PHF19: variants seen among roughly 807,000 people sequenced by gnomAD.
The protein encoded by PHF19 is PHD finger protein 19.
PHF19 carries 21 observed loss-of-function variants against 79.8 expected under a neutral mutation model. That is an observed-to-expected ratio of 0.26 (90% CI 0.19 to 0.38). The LOEUF (loss-of-function observed/expected upper bound fraction) is 0.38. Ranked by LOEUF, PHF19 falls within the 10% of genes least tolerant of loss-of-function variation. The pLI is 1.00. For synonymous variants in PHF19, 273 were observed against 296.3 expected, an observed-to-expected ratio of 0.92 and a Z score of 0.81; for missense variants, 445 against 744.2, an observed-to-expected ratio of 0.60 and a Z score of 4.68.
intron 1 of PHF19, among the ~76,000 whole-genome samples, chr9:120,888,100 G>A (rs954227630): frequency 1.3e-5 from 2 of 152,190 alleles, no homozygotes; most frequent in Admixed American, 1.3e-4. Context: ...AGCCTCCCAA[G>A]TAGCTGGGAC....
chr9:120,858,095 G>A lies in PHF19; in HGVS notation c.1592C>T (p.Ser531Phe). 6.2e-7 allele frequency: 1 copy of A among 1,614,186 alleles called. No individual in the cohort carries two copies. The highest frequency in any genetic ancestry group is 8.5e-7 in the Non-Finnish European group (1 of 1,179,992). ...GATAGATGACTTGAGGTGGGACAGG[G>A]ATGAGTCATCTTCACTGATGCTCTC... is the stretch of plus-strand genomic sequence containing the variant. ...TFESISEDDS[S>F]LSHLKSSITN... The change falls in exon 15 of 15, where the codon TCC becomes TTC. Residue 531 changes from serine (S) to phenylalanine (F), a missense_variant. Physicochemically the swap from Ser to Phe is radical, Grantham distance 155 (BLOSUM62 -2). Around this residue, in one of 5 missense-constraint regions of PHF19, gnomAD observed 125 missense variants for 180.5 expected, o/e 0.69. Coordinates refer to ENST00000373896, the MANE Select transcript of PHF19 (RefSeq NM_015651.3).
chr9:120,902,020 G>A, the PHF19 span, among the ~76,000 whole-genome samples: 1 of 152,210 alleles, frequency 6.6e-6, no homozygotes, highest in African/African-American at 2.4e-5. Context: ...TGAGACATTT[G>A]TGGAGCTTCT....
chr9:120,892,923 G>C (rs1268258251), intron 1 of PHF19, among the ~76,000 whole-genome samples: 1 of 152,212 alleles, frequency 6.6e-6, no homozygotes, highest in East Asian at 1.9e-4. Flanking sequence ...GGATGGTAGA[G>C]TGGAAAGCAG....
At position 120,869,283 on chromosome 9, in the gene PHF19, G is replaced by A. The variant is rs41273396; in HGVS notation, c.513C>T (p.Ala171=). The A allele has an allele frequency of 0.027, 43,693 of 1,612,796 alleles. 709 individuals are homozygous for A. The highest frequency in any genetic ancestry group is 0.037 in the Middle Eastern group (224 of 6,058). ...KKGAIARTLQ[A]VKMVLSYQPE... ...GCTGGTAGGACAGCACCATCTTCAC[G>A]GCCTGCAGCGTCCTGGCGATGGCGC... The change falls in exon 6 of 15, where the codon GCC becomes GCT. Residue 171 remains alanine (A), a synonymous_variant. Coordinates refer to ENST00000373896, the MANE Select transcript of PHF19 (RefSeq NM_015651.3). This position sits in a 1 kb window ranked among gnomAD's most constrained non-coding sequence, Gnocchi z 5.8.
At position 120,891,355 on chromosome 9, in the gene PHF19, G is replaced by C. The variant is rs1355181788; in HGVS notation, c.42+3433C>G. Among the ~76,000 whole-genome samples, 1 of 151,872 alleles carries C rather than the reference G, an allele frequency of 6.6e-6. No homozygotes were observed. The highest frequency in any genetic ancestry group is 2.4e-5 in the African/African-American group (1 of 41,312). ...CAGTCAATATCTAGAGAAGGTATTG[G>C]CCTAGAGAACCTTGCTCAATCTTAA... On this transcript the variant is annotated intron_variant, in intron 1 of 14. Coordinates refer to the PHF19 transcript ENST00000616568. This position sits in a 1 kb window ranked among gnomAD's most constrained non-coding sequence, Gnocchi z 4.3.
Position 120,866,889 on chromosome 9 carries a change from G to A in PHF19, c.691C>T (p.Pro231Ser), listed in dbSNP as rs1209516839. ...ACCTACCGGTCTCCAAACATCATGG[G>A]CTCATTGAGGCACTGGGTGCAGGCC... ...HEACTQCLNE[P>S]MMFGDRFYLF... The change falls in exon 7 of 15, where the codon CCC (proline) becomes TCC (serine). Residue 231 changes from proline (P) to serine (S), a missense_variant. Pro to Ser is a moderately conservative substitution (Grantham distance 74). Transcript: ENST00000373896. The surrounding 1 kb of genome is among the most constrained non-coding windows in gnomAD (Gnocchi z 5.2). 2 of 1,606,752 alleles carry A rather than the reference G, an allele frequency of 1.2e-6. No individual in the cohort carries two copies. The highest frequency in any genetic ancestry group is 1.1e-5 in the South Asian group (1 of 90,914).
rs1588081616 is a variant in PHF19 at position 120,856,112 on chromosome 9, C to G, written c.*1832G>C. ...TTCTCAGCTCCCCTTCCACCTGGCC[C>G]TAGTTGGCCCCTGTGGCAGCAGCTG... On this transcript the variant is annotated 3_prime_UTR_variant, in exon 15 of 15. Transcript: ENST00000373896. 1 of 152,754 alleles carries G rather than the reference C, an allele frequency of 6.5e-6. No homozygotes were observed. The highest frequency in any genetic ancestry group is 1.5e-5 in the Non-Finnish European group (1 of 68,128). 9.5% of individuals were successfully genotyped at this position (152,754 alleles called of 1,614,324 possible). A position where few individuals can be genotyped will look rare whatever the true frequency, so the allele number is the denominator to read the frequency against.
upstream of PHF19, among the ~76,000 whole-genome samples, chr9:120,881,904 G>A (rs530605364): frequency 3.3e-5 from 5 of 152,336 alleles, no homozygotes; most frequent in Admixed American, 2.6e-4. Flanking sequence ...CGGGGTTCCA[G>A]GTGCACGCTA....
At chr9:120,877,218 CGGCGGGGGCGGGGCGG>C (rs1318886693), upstream of PHF19, 36 of 389,652 alleles carry the variant, frequency 9.2e-5, no homozygotes, top group Non-Finnish European at 1.1e-4. Flanking sequence ...GTCGGGGTCT[CGGCGGGGGCGGGGCGG>C]GGCGGGGGCG....
chr9:120,858,823 A>ACTCACACACACT (rs1460549198), intron 14 of PHF19, among the ~76,000 whole-genome samples: 3 of 150,246 alleles, frequency 2.0e-5, no homozygotes, highest in African/African-American at 7.3e-5. Flanking sequence ...ACACACACAC[A>ACTCACACACACT]CACACACACA....
chr9:120,870,291 A>G lies in PHF19; in HGVS notation c.364+152T>C. 1 of 667,648 alleles carries G rather than the reference A, an allele frequency of 1.5e-6. No homozygotes were observed. The highest frequency in any genetic ancestry group is 1.8e-5 in the South Asian group (1 of 56,886). The allele number at this position is 667,648 out of a possible 1,614,324, so 41.4% of individuals were successfully genotyped here. On this transcript the variant is annotated intron_variant, in intron 4 of 14. Transcript: ENST00000373896. The surrounding 1 kb of genome is among the most constrained non-coding windows in gnomAD (Gnocchi z 4.4). ...CCCCAGGATCTCTTCCCAAGCCCTC[A>G]CTTACAGCAACTGGCCCCCTTTCAC...
chr9:120,862,100 A>C lies in PHF19; in HGVS notation c.1131-95T>G. Reference sequence around the variant, plus strand: ...GCGCCGCAGGGGCGGGGGTCACAGCAGTTGGGGAGACAGGCTCTGAACACA... The same window carrying C: ...GCGCCGCAGGGGCGGGGGTCACAGCCGTTGGGGAGACAGGCTCTGAACACA... On this transcript the variant is annotated intron_variant, in intron 11 of 14. Coordinates refer to ENST00000373896, the MANE Select transcript of PHF19 (RefSeq NM_015651.3). This position sits in a 1 kb window ranked among gnomAD's most constrained non-coding sequence, Gnocchi z 4.6. 1 of 854,778 alleles carries C rather than the reference A, an allele frequency of 1.2e-6. No individual in the cohort carries two copies. The highest frequency in any genetic ancestry group is 2.0e-6 in the Non-Finnish European group (1 of 492,986). The allele number at this position is 854,778 out of a possible 1,614,324, so 52.9% of individuals were successfully genotyped here.
At chr9:120,895,819 A>AT (rs1311964632), upstream of PHF19, among the ~76,000 whole-genome samples, 2 of 151,980 alleles carry the variant, frequency 1.3e-5, no homozygotes, top group African/African-American at 2.4e-5. Context: ...CACCCAGCTA[A>AT]TTTTTGTATT....
upstream of PHF19, among the ~76,000 whole-genome samples, chr9:120,897,665 A>G (rs1288384965): frequency 6.6e-6 from 1 of 152,162 alleles, no homozygotes; most frequent in Non-Finnish European, 1.5e-5. Context: ...CATGTCATCA[A>G]TATAAAAATA....
In PHF19 at chr9:120,856,617, G is replaced by T; in HGVS notation, c.*1327C>A. 1 of 152,526 alleles carries T rather than the reference G, an allele frequency of 6.6e-6. No homozygotes were observed. 9.4% of individuals were successfully genotyped at this position (152,526 alleles called of 1,614,324 possible). ...TCCCAATTTTGGTTTCCCTCCAGAT[G>T]AGGCAGAATTTGAATGTTGGTTCCA... On this transcript the variant is annotated 3_prime_UTR_variant, in exon 15 of 15. Coordinates refer to ENST00000373896, the MANE Select transcript of PHF19 (RefSeq NM_015651.3).
Position 120,862,627 on chromosome 9 carries a change from G to C in PHF19, c.1091C>G (p.Ala364Gly). 6.2e-7 allele frequency: 1 copy of C among 1,614,130 alleles called. No individual in the cohort carries two copies. Among genetic ancestry groups the C allele is most frequent in the Non-Finnish European group, 8.5e-7 (1 of 1,179,996 alleles). The change falls in exon 11 of 15, where the codon GCC (alanine) becomes GGC (glycine). Residue 364 changes from alanine to glycine, a missense_variant. By Grantham distance (60) the Ala-to-Gly change is moderately conservative. Transcript: ENST00000373896. The surrounding 1 kb of genome is among the most constrained non-coding windows in gnomAD (Gnocchi z 4.6). ...DKGLLPNENS[A>G]SSELRKRGKS... ...TCCTCTCTTACGCAGCTCAGAGGAG[G>C]CGCTGTTCTCATTTGGCAGCAGTCC...
Position 120,874,058 on chromosome 9 carries a change from G to T in PHF19, c.189C>A (p.Val63=). The stretch of plus-strand genomic sequence containing the variant: ...CGAGGCAGCTTTGCTTAGAGCTGCT[G>T]ACCTGGGGTACAGATAGGAAGGAGC... ...GLYYLGKIKR[V]SSSKQSCLVT... is the part of the protein sequence containing the mutation. The change falls in exon 3 of 15, where the codon GTC becomes GTA. Residue 63 remains valine, a splice_region_variant and synonymous_variant. Coordinates refer to ENST00000373896, the MANE Select transcript of PHF19 (RefSeq NM_015651.3). The surrounding 1 kb of genome is among the most constrained non-coding windows in gnomAD (Gnocchi z 4.5). 1 of 1,584,112 alleles carries T rather than the reference G, an allele frequency of 6.3e-7. No homozygotes were observed. The highest frequency in any genetic ancestry group is 8.7e-7 in the Non-Finnish European group (1 of 1,154,416).
intron 12 of PHF19, among the ~76,000 whole-genome samples, 197 bp from the exon 13 acceptor site, chr9:120,861,371 G>A (rs983434611): frequency 6.6e-6 from 1 of 152,224 alleles, no homozygotes; most frequent in African/African-American, 2.4e-5. Context: ...CTAGCTGACT[G>A]TACGACCTTC....
chr9:120,902,112 C>G, the PHF19 span, among the ~76,000 whole-genome samples: 1 of 152,158 alleles, frequency 6.6e-6, no homozygotes, highest in Non-Finnish European at 1.5e-5. Context: ...CACGTGCCCC[C>G]GAAAAGCCCA....
Sources: allele counts gnomAD v4.1 joint callset (sites outside exome capture counted in the v4.1 genomes callset), GRCh38; gene constraint gnomAD v4.1.1; regional missense constraint gnomAD v4.1.1; non-coding constraint Gnocchi (gnomAD v3.1); transcripts MANE v1.5; gene names NCBI Gene and HGNC (gene_info 2026-07-23, HGNC 2026-07-21).